The following LCMT1 variants were observed in gnomAD, a reference collection of about 807,000 sequenced individuals.
The protein encoded by LCMT1 is [Phosphatase 2A protein]-leucine-carboxy methyltransferase 1.
A neutral mutation model predicts 47.7 loss-of-function variants in LCMT1; 32 were observed. That is an observed-to-expected ratio of 0.67 (90% CI 0.51 to 0.90). The LOEUF is 0.90. Ranked by LOEUF, LCMT1 falls within the 40% of genes least tolerant of loss-of-function variation. The pLI is 0.00. For missense variants in LCMT1, 375 were observed against 415.2 expected (o/e 0.90, Z 0.84); for synonymous variants, 152 against 149.7 (o/e 1.02, Z -0.11).
chr16:25,132,203 T>TA (rs1960367369), intron 2 of LCMT1, 199 bp from the exon 3 acceptor site: 1 of 586,860 alleles, frequency 1.7e-6, no homozygotes, highest in Admixed American at 2.9e-5. Context: ...AGATTATACT[T>TA]ACCTTGGTTC....
chr16:25,144,811 ATGAGCCAC>A, intron 4 of LCMT1: 1 of 152,298 alleles, frequency 6.6e-6, no homozygotes. Flanking sequence ...GTTTCGAAAA[ATGAGCCAC>A]TGGCTTCTGA....
intron 5 of LCMT1, among the ~76,000 whole-genome samples, chr16:25,155,411 G>A (rs1443618801): frequency 6.6e-6 from 1 of 152,062 alleles, no homozygotes; most frequent in African/African-American, 2.4e-5. Flanking sequence ...GCTGGGCATG[G>A]TGGTGCACGC....
Position 25,133,755 on chromosome 16 carries a change from C to T in LCMT1, c.327+1232C>T, listed in dbSNP as rs111483498. 8.9e-3 allele frequency among the ~76,000 whole-genome samples: 1,340 copies of T among 150,044 alleles called. 20 individuals carry two copies. The highest frequency in any genetic ancestry group is 0.031 in the African/African-American group (1,260 of 40,982). ...CCCTACAAAGTCCTCACTAATTGGCCGGGCATGGTGGCTCACACTTGTAAT... is the reference window on the plus strand; with the variant it reads ...CCCTACAAAGTCCTCACTAATTGGCTGGGCATGGTGGCTCACACTTGTAAT... On this transcript the variant is annotated intron_variant, in intron 3 of 10. Coordinates refer to ENST00000399069, the MANE Select transcript of LCMT1 (RefSeq NM_016309.3).
Position 25,169,157 on chromosome 16 carries a change from C to T in LCMT1, c.736C>T (p.Arg246Trp), listed in dbSNP as rs1044820578. 8.1e-6 allele frequency: 13 copies of T among 1,613,540 alleles called. No individual in the cohort carries two copies. Among genetic ancestry groups the T allele is most frequent in the Admixed American group, 1.7e-5 (1 of 60,016 alleles). Residue 246 changes from arginine (R) to tryptophan (W), a missense_variant, in exon 8 of 11, where the codon CGG (arginine) becomes TGG (tryptophan). Transcript: ENST00000399069. The part of the protein sequence containing the change: ...RFGQIMIENL[R>W]RRQCDLAGVE... ...TGGGCAGATCATGATTGAAAACCTG[C>T]GGAGACGCCAGTGTGACCTGGCGGG...
intron 1 of LCMT1, among the ~76,000 whole-genome samples, chr16:25,122,857 C>T (rs1960034134): frequency 6.6e-6 from 1 of 152,002 alleles, no homozygotes; most frequent in East Asian, 1.9e-4. Context: ...TGCCATGTTG[C>T]CCAGGCTGGT....
chr16:25,132,569 T>C, intron 3 of LCMT1, 46 bp downstream of exon 3: 5 of 1,593,848 alleles, frequency 3.1e-6, no homozygotes, highest in Non-Finnish European at 4.3e-6. Context: ...TTAGATTTTT[T>C]TCGTTAGATT....
intron 7 of LCMT1, among the ~76,000 whole-genome samples, chr16:25,166,103 C>T (rs1206537496): frequency 6.6e-6 from 1 of 151,514 alleles, no homozygotes; most frequent in Non-Finnish European, 1.5e-5. Context: ...AACCCTGTCT[C>T]TACAAAAAAT....
chr16:25,169,936 T>C (rs113777255), intron 8 of LCMT1, among the ~76,000 whole-genome samples: 10 of 152,174 alleles, frequency 6.6e-5, no homozygotes, highest in African/African-American at 2.4e-4. Flanking sequence ...GTTCATTTTT[T>C]TGGGCGGGCG....
chr16:25,120,998 C>T (rs1368904898), intron 1 of LCMT1, among the ~76,000 whole-genome samples: 2 of 138,330 alleles, frequency 1.4e-5, no homozygotes, highest in Non-Finnish European at 3.1e-5. Context: ...GGGCCTCAAG[C>T]AATCCTCCCA....
intron 4 of LCMT1, among the ~76,000 whole-genome samples, chr16:25,149,860 C>A (rs1004587670): frequency 4.3e-5 from 6 of 140,224 alleles, no homozygotes; most frequent in Non-Finnish European, 9.0e-5. Flanking sequence ...CTGCAGTGAG[C>A]TATGATCACA....
chr16:25,170,692 T>G (rs1301553833), intron 8 of LCMT1, 22 bp from the exon 9 acceptor site: 2 of 1,593,518 alleles, frequency 1.3e-6, no homozygotes, highest in East Asian at 4.5e-5. Flanking sequence ...AGTTCTCCAT[T>G]TCTCTTCGTT....
intron 4 of LCMT1, among the ~76,000 whole-genome samples, chr16:25,149,581 T>A (rs192415213): frequency 6.6e-6 from 1 of 152,340 alleles, no homozygotes; most frequent in African/African-American, 2.4e-5. Context: ...AATTTTTATG[T>A]CTTTTGTTTA....
At chr16:25,129,896 G>T (rs1960298931) in intron 2 of LCMT1, among the ~76,000 whole-genome samples, 1 of 152,220 alleles carries the variant, frequency 6.6e-6, no homozygotes, top group South Asian at 2.1e-4. Flanking sequence ...AGGGTTTTAA[G>T]TCTAGAGGAC....
chr16:25,167,823 C>T (rs1441274176), intron 7 of LCMT1, among the ~76,000 whole-genome samples: 2 of 152,068 alleles, frequency 1.3e-5, no homozygotes, highest in Non-Finnish European at 2.9e-5. Flanking sequence ...TGCAGTGGCA[C>T]GATCTTGGCT....
At chr16:25,162,692 G>C (rs1482050030) in intron 6 of LCMT1, among the ~76,000 whole-genome samples, 3 of 152,130 alleles carry the variant, frequency 2.0e-5, no homozygotes, top group African/African-American at 7.2e-5. Flanking sequence ...TGAAATCTCT[G>C]AGAAATGCTA....
chr16:25,149,900 A>G (rs909088326), intron 4 of LCMT1, among the ~76,000 whole-genome samples: 2 of 147,678 alleles, frequency 1.4e-5, no homozygotes, highest in Non-Finnish European at 3.0e-5. Context: ...GTGACAGAGC[A>G]AGACTGTCTC....
intron 1 of LCMT1, among the ~76,000 whole-genome samples, chr16:25,117,464 A>G (rs1047132806): frequency 7.9e-5 from 12 of 152,282 alleles, no homozygotes; most frequent in African/African-American, 2.9e-4. Flanking sequence ...TATTACCTCC[A>G]GTTCACTATT....
intron 1 of LCMT1, among the ~76,000 whole-genome samples, chr16:25,112,497 G>GT (rs1439941115): frequency 1.3e-5 from 2 of 152,248 alleles, no homozygotes; most frequent in Non-Finnish European, 2.9e-5. Context: ...AGTCTCCACT[G>GT]TTAAGGGTGT....
chr16:25,149,037 G>C (rs1209997962), intron 4 of LCMT1: 1 of 152,194 alleles, frequency 6.6e-6, no homozygotes, highest in Admixed American at 6.5e-5. Flanking sequence ...GCATGTGAGG[G>C]GTAGGGAATG....
Sources: allele counts gnomAD v4.1 joint callset (sites outside exome capture counted in the v4.1 genomes callset), GRCh38; gene constraint gnomAD v4.1.1; transcripts MANE v1.5; gene names NCBI Gene and HGNC (gene_info 2026-07-23, HGNC 2026-07-21).